The following FOXN2 variants were observed in gnomAD, a reference collection of about 807,000 sequenced individuals.
The protein encoded by FOXN2 is forkhead box protein N2.
FOXN2 carries 19 observed loss-of-function variants against 41.2 expected under a neutral mutation model. The observed-to-expected ratio is 0.46, with a 90% confidence interval of 0.32 to 0.68. The LOEUF (loss-of-function observed/expected upper bound fraction) is 0.68, where lower values mean the gene tolerates loss of function less well. Among genes scored for constraint, FOXN2 ranks in the 30% least tolerant of loss-of-function variants. The pLI, the probability that FOXN2 is intolerant of heterozygous loss-of-function variation, is 0.03. For missense variants in FOXN2, 587 were observed against 509.4 expected (o/e 1.15, Z -1.47); for synonymous variants, 195 against 176.8 (o/e 1.10, Z -0.82).
At chr2:48,334,562 A>G (rs1378232437) in intron 2 of FOXN2, among the ~76,000 whole-genome samples, 1 of 152,218 alleles carries the variant, frequency 6.6e-6, no homozygotes, top group East Asian at 1.9e-4. Context: ...AAACAACCTA[A>G]AATGCTGGAT....
At chr2:48,314,405 G>A (rs1250902327), upstream of FOXN2, among the ~76,000 whole-genome samples, 2 of 152,208 alleles carry the variant, frequency 1.3e-5, no homozygotes, top group Non-Finnish European at 2.9e-5. Flanking sequence ...CCTCCACCCT[G>A]CTTTCCGTGT....
Position 48,376,667 on chromosome 2 carries a change from A to G in FOXN2, c.*1224A>G, listed in dbSNP as rs949257548. On this transcript the variant is annotated 3_prime_UTR_variant, in exon 7 of 7. Transcript: ENST00000340553. ...CAAAAGTGCTTTGACTAAGTATCTTAACTATTTGAACAGTCTGCTTATATG... is the reference window on the plus strand; with the variant it reads ...CAAAAGTGCTTTGACTAAGTATCTTGACTATTTGAACAGTCTGCTTATATG... 6.6e-6 allele frequency: 1 copy of G among 152,642 alleles called. No individual in the cohort carries two copies. Among genetic ancestry groups the G allele is most frequent in the Admixed American group, 6.5e-5 (1 of 15,280 alleles). 9.5% of individuals were successfully genotyped at this position (152,642 alleles called of 1,614,324 possible). A position where few individuals can be genotyped will look rare whatever the true frequency, so the allele number is the denominator to read the frequency against.
intron 2 of FOXN2, among the ~76,000 whole-genome samples, chr2:48,341,104 C>T (rs943530509): frequency 2.0e-5 from 3 of 151,852 alleles, no homozygotes; most frequent in African/African-American, 7.3e-5. Flanking sequence ...TGTTATGTAT[C>T]ACAATTTTAT....
At chr2:48,365,571 C>T (rs985876362) in intron 5 of FOXN2, among the ~76,000 whole-genome samples, 16 of 152,288 alleles carry the variant, frequency 1.1e-4, no homozygotes, top group Admixed American at 6.5e-4. Context: ...GTTTTTGCTG[C>T]TAGTTTCACC....
At chr2:48,328,309 G>A (rs1669812477) in intron 1 of FOXN2, among the ~76,000 whole-genome samples, 2 of 152,168 alleles carry the variant, frequency 1.3e-5, no homozygotes, top group Admixed American at 1.3e-4. Context: ...ACCTCCTGAA[G>A]ATACCAAAAT....
At chr2:48,345,159 G>A (rs1301141734) in intron 2 of FOXN2, among the ~76,000 whole-genome samples, 2 of 152,186 alleles carry the variant, frequency 1.3e-5, no homozygotes, top group African/African-American at 4.8e-5. Context: ...GCCTTGAAAT[G>A]TCAGTACTTG....
chr2:48,322,053 A>G (rs760310729), intron 1 of FOXN2, among the ~76,000 whole-genome samples: 3 of 152,128 alleles, frequency 2.0e-5, no homozygotes, highest in Non-Finnish European at 4.4e-5. Flanking sequence ...GGTTCAAGCA[A>G]TTCTTTCTCA....
chr2:48,317,502 G>A (rs1668999178), intron 1 of FOXN2, among the ~76,000 whole-genome samples: 1 of 150,138 alleles, frequency 6.7e-6, no homozygotes, highest in Non-Finnish European at 1.5e-5. Flanking sequence ...TGATGCTTTG[G>A]GAAACTAACA....
intron 4 of FOXN2, among the ~76,000 whole-genome samples, chr2:48,361,449 A>G (rs1317086458): frequency 6.6e-6 from 1 of 151,760 alleles, no homozygotes; most frequent in Admixed American, 6.6e-5. Context: ...CCTGGGCGAC[A>G]GAGCGAGACT....
chr2:48,375,158 T>C lies in FOXN2; in HGVS notation c.1011T>C (p.Ser337=). The part of the protein sequence containing the change: ...DEVYEFIPKN[S]HVGSDGSEGF... ...TATATGAATTTATCCCAAAGAATAG[T>C]CACGTGGGAAGTGATGGCAGTGAAG... Residue 337 remains serine (S), a synonymous_variant, in exon 7 of 7, where the codon AGT becomes AGC. Coordinates refer to ENST00000340553, the MANE Select transcript of FOXN2 (RefSeq NM_002158.4). 1 of 1,614,100 alleles carries C rather than the reference T, an allele frequency of 6.2e-7. No homozygotes were observed. The highest frequency in any genetic ancestry group is 8.5e-7 in the Non-Finnish European group (1 of 1,180,004).
intron 5 of FOXN2, among the ~76,000 whole-genome samples, chr2:48,369,300 G>A (rs1672733979): frequency 6.6e-6 from 1 of 152,208 alleles, no homozygotes; most frequent in Non-Finnish European, 1.5e-5. Flanking sequence ...CACTTTGGGA[G>A]GCCAAGGCGG....
intron 5 of FOXN2, among the ~76,000 whole-genome samples, chr2:48,362,918 G>A (rs1043656766): frequency 1.3e-5 from 2 of 152,180 alleles, no homozygotes; most frequent in East Asian, 3.8e-4. Flanking sequence ...TGCACTGCTA[G>A]TCCTGTAAAA....
chr2:48,362,543 TG>T, intron 4 of FOXN2, 99 bp from the exon 5 acceptor site: 3 of 974,902 alleles, frequency 3.1e-6, no homozygotes, highest in Non-Finnish European at 4.8e-6. Flanking sequence ...CACTCCAGCC[TG>T]GGCGGCCAGC....
chr2:48,348,043 CTTTATT>C (rs1185354411), intron 3 of FOXN2, among the ~76,000 whole-genome samples: 2 of 150,586 alleles, frequency 1.3e-5, no homozygotes, highest in African/African-American at 4.9e-5. Context: ...ATGTGTTATT[CTTTATT>C]TTTATCTTGC....
At chr2:48,359,355 G>C (rs538831042) in intron 4 of FOXN2, among the ~76,000 whole-genome samples, 1 of 152,190 alleles carries the variant, frequency 6.6e-6, no homozygotes, top group East Asian at 1.9e-4. Flanking sequence ...GTGCAGTAGC[G>C]AGATCTCGGC....
At chr2:48,341,731 G>T (rs1176351559) in intron 2 of FOXN2, among the ~76,000 whole-genome samples, 2 of 152,190 alleles carry the variant, frequency 1.3e-5, no homozygotes, top group Non-Finnish European at 2.9e-5. Context: ...GTACCGTACT[G>T]TCTTTTCAGC....
chr2:48,317,131 A>C (rs901156216), intron 1 of FOXN2, among the ~76,000 whole-genome samples: 1 of 152,216 alleles, frequency 6.6e-6, no homozygotes, highest in Admixed American at 6.5e-5. Flanking sequence ...GTTCAAGTCC[A>C]GCCTGGGCAG....
chr2:48,336,267 G>A (rs924721529), intron 2 of FOXN2, among the ~76,000 whole-genome samples: 2 of 151,626 alleles, frequency 1.3e-5, no homozygotes, highest in Non-Finnish European at 1.5e-5. Flanking sequence ...AAAAAGCCGG[G>A]TGTGGTGGTG....
chr2:48,363,591 A>G (rs1672341869), intron 5 of FOXN2, among the ~76,000 whole-genome samples: 1 of 152,206 alleles, frequency 6.6e-6, no homozygotes, highest in Admixed American at 6.5e-5. Context: ...AGCTTCATTC[A>G]TGGTAAGTAC....
Sources: gnomAD v4.1 joint callset for allele counts (sites outside exome capture counted in the v4.1 genomes callset) on GRCh38, gnomAD v4.1.1 for gene constraint, MANE v1.5 for transcripts, NCBI Gene and HGNC (gene_info 2026-07-23, HGNC 2026-07-21) for gene names.